The following ZNRF1 variants were observed in gnomAD, a reference collection of about 807,000 sequenced individuals.
ZNRF1 encodes the protein zinc and ring finger 1, also known as E3 ubiquitin-protein ligase ZNRF1.
In ZNRF1, 3 loss-of-function variants were observed where a neutral mutation model predicts 18.4. The observed-to-expected ratio is 0.16, with a 90% CI of 0.07 to 0.42. The LOEUF (loss-of-function observed/expected upper bound fraction) is 0.42, where lower values mean the gene tolerates loss of function less well. Among genes scored for constraint, ZNRF1 ranks in the 10% least tolerant of loss-of-function variants. The pLI is 0.99. For missense variants in ZNRF1, 310 were observed against 329.8 expected (o/e 0.94, Z 0.47); for synonymous variants, 157 against 144.2 (o/e 1.09, Z -0.64).
chr16:75,048,393 A>T (rs1022981653), intron 1 of ZNRF1, among the ~76,000 whole-genome samples: 4 of 152,220 alleles, frequency 2.6e-5, no homozygotes, highest in Non-Finnish European at 5.9e-5. Context: ...ACTTCAGCAT[A>T]TAAATTTGGG....
chr16:75,051,249 C>G (rs1032597971), intron 1 of ZNRF1, among the ~76,000 whole-genome samples: 2 of 152,018 alleles, frequency 1.3e-5, no homozygotes, highest in African/African-American at 4.8e-5. Flanking sequence ...ACTCTGTCGC[C>G]TAGTCTGGAG....
chr16:75,046,892 T>A (rs1186915587), intron 1 of ZNRF1: 2 of 154,150 alleles, frequency 1.3e-5, no homozygotes, highest in Non-Finnish European at 2.9e-5. Context: ...ATTTCAGGTA[T>A]ACGGGACAGT....
chr16:75,066,215 C>G (rs981699311), intron 1 of ZNRF1, among the ~76,000 whole-genome samples: 34 of 152,186 alleles, frequency 2.2e-4, no homozygotes, highest in Non-Finnish European at 8.8e-5. Context: ...CCTGGTACCT[C>G]TGTTACAAAA....
At chr16:75,021,426 A>G (rs1281791086) in intron 1 of ZNRF1, among the ~76,000 whole-genome samples, 3 of 152,152 alleles carry the variant, frequency 2.0e-5, no homozygotes, top group African/African-American at 4.8e-5. Flanking sequence ...CTGCTTGCCA[A>G]CTTTTTTGCC....
At chr16:75,083,257 C>T (rs1327374413) in intron 1 of ZNRF1, among the ~76,000 whole-genome samples, 1 of 152,244 alleles carries the variant, frequency 6.6e-6, no homozygotes, top group Non-Finnish European at 1.5e-5. Flanking sequence ...AAATGGTTTA[C>T]TCTGCACAGA....
chr16:75,051,204 A>T (rs2035598741), intron 1 of ZNRF1, among the ~76,000 whole-genome samples: 3 of 151,560 alleles, frequency 2.0e-5, no homozygotes, highest in Admixed American at 2.0e-4. Flanking sequence ...CCACCTCCAA[A>T]TACATCTATT....
chr16:75,100,804 A>G (rs2036246580), intron 2 of ZNRF1, among the ~76,000 whole-genome samples: 1 of 152,220 alleles, frequency 6.6e-6, no homozygotes, highest in Non-Finnish European at 1.5e-5. Flanking sequence ...CAAGACAAAG[A>G]GAGTGGGGAA....
chr16:75,036,583 T>TA (rs2035378904), intron 1 of ZNRF1, among the ~76,000 whole-genome samples: 1 of 151,624 alleles, frequency 6.6e-6, no homozygotes, highest in African/African-American at 2.4e-5. Context: ...TTTTTTTTTT[T>TA]CCCTCTCCTT....
chr16:75,060,328 G>A (rs1323312459), intron 1 of ZNRF1, among the ~76,000 whole-genome samples: 1 of 152,128 alleles, frequency 6.6e-6, no homozygotes, highest in Non-Finnish European at 1.5e-5. Context: ...TGGGATTACA[G>A]GCATGAGCCA....
chr16:75,047,718 A>C (rs1290444390), intron 1 of ZNRF1, among the ~76,000 whole-genome samples: 1 of 152,016 alleles, frequency 6.6e-6, no homozygotes, highest in Non-Finnish European at 1.5e-5. Flanking sequence ...CCTCCTTTTA[A>C]GCCCTTAAAT....
intron 1 of ZNRF1, among the ~76,000 whole-genome samples, chr16:75,012,718 T>TAA (rs2035014798): frequency 6.6e-6 from 1 of 152,204 alleles, no homozygotes; most frequent in African/African-American, 2.4e-5. Context: ...GTTTTCAACT[T>TAA]CATTATTTAC....
chr16:75,067,659 A>C (rs908621945), intron 1 of ZNRF1, among the ~76,000 whole-genome samples: 2 of 152,238 alleles, frequency 1.3e-5, no homozygotes, highest in African/African-American at 2.4e-5. Flanking sequence ...ACCCATATAC[A>C]TACGGGAATT....
chr16:75,065,325 G>T (rs1399760693), intron 1 of ZNRF1, among the ~76,000 whole-genome samples: 2 of 152,122 alleles, frequency 1.3e-5, no homozygotes, highest in East Asian at 3.9e-4. Context: ...CTGAGACGGG[G>T]GTGCCTTAGA....
chr16:75,096,074 G>GTGTGTGTGTGTGTGTGTGTC (rs2036196477), intron 2 of ZNRF1, among the ~76,000 whole-genome samples: 1 of 144,120 alleles, frequency 6.9e-6, no homozygotes, highest in Admixed American at 6.8e-5. Flanking sequence ...GTGTGTGTGT[G>GTGTGTGTGTGTGTGTGTGTC]TGTGTGTGTG....
chr16:75,101,415 G>A (rs990126530), intron 2 of ZNRF1, among the ~76,000 whole-genome samples: 4 of 152,168 alleles, frequency 2.6e-5, no homozygotes, highest in Non-Finnish European at 5.9e-5. Context: ...TTAGCCGGGT[G>A]TGGTGGCATG....
chr16:75,010,910 A>C (rs1476832978), intron 1 of ZNRF1, among the ~76,000 whole-genome samples: 1 of 151,800 alleles, frequency 6.6e-6, no homozygotes, highest in Non-Finnish European at 1.5e-5. Flanking sequence ...GGGTTTCGCC[A>C]ATTGGCCAGG....
chr16:75,077,180 C>G (rs1214810067), intron 1 of ZNRF1, among the ~76,000 whole-genome samples: 1 of 152,136 alleles, frequency 6.6e-6, no homozygotes, highest in African/African-American at 2.4e-5. Flanking sequence ...ACCACGAGGT[C>G]AGGAGATCGA....
Position 75,110,091 on chromosome 16 carries a change from C to G in ZNRF1, c.*2391C>G, listed in dbSNP as rs560555616. ...GTGGGTGGGGCAGGGCTGTAGCCCA[C>G]GCCGGGTGCTATTCCAGGCTCTAGG... On this transcript the variant is annotated 3_prime_UTR_variant, in exon 5 of 5. Coordinates refer to ENST00000335325, the MANE Select transcript of ZNRF1 (RefSeq NM_032268.5). The G allele has an allele frequency of 2.6e-5, 4 of 152,344 alleles. No individual in the cohort carries two copies. The highest frequency in any genetic ancestry group is 2.6e-4 in the Admixed American group (4 of 15,288). 9.4% of individuals were successfully genotyped at this position (152,344 alleles called of 1,614,324 possible).
At chr16:75,067,737 GA>G (rs2035823042) in intron 1 of ZNRF1, among the ~76,000 whole-genome samples, 1 of 152,152 alleles carries the variant, frequency 6.6e-6, no homozygotes, top group Non-Finnish European at 1.5e-5. Flanking sequence ...ATAATGTTAG[GA>G]GAATTGACTA....
Sources: allele counts gnomAD v4.1 joint callset (sites outside exome capture counted in the v4.1 genomes callset), GRCh38; gene constraint gnomAD v4.1.1; transcripts MANE v1.5; gene names NCBI Gene and HGNC (gene_info 2026-07-23, HGNC 2026-07-21).